IL7: variants seen among roughly 807,000 people sequenced by gnomAD.
The protein encoded by IL7 is interleukin-7.
In IL7, 3 loss-of-function variants were observed where a neutral mutation model predicts 21.6. The observed-to-expected ratio is 0.14, with a 90% CI of 0.06 to 0.36. IL7 has a LOEUF of 0.36. Among genes scored for constraint, IL7 ranks in the 10% least tolerant of loss-of-function variants. The probability of loss-of-function intolerance (pLI) is 1.00; values close to 1 mark genes in which losing one functional copy is unlikely to be tolerated. For synonymous variants in IL7, 62 were observed against 68.1 expected, an observed-to-expected ratio of 0.91 and a Z score of 0.44; for missense variants, 175 against 200.2, an observed-to-expected ratio of 0.87 and a Z score of 0.76.
chr8:78,743,457 T>G (rs1033511713), intron 2 of IL7, among the ~76,000 whole-genome samples: 14 of 152,176 alleles, frequency 9.2e-5, no homozygotes, highest in African/African-American at 3.4e-4. Flanking sequence ...GTATTCCATA[T>G]TTCTCGGAGG....
chr8:78,764,404 G>A (rs1812682780), intron 2 of IL7, among the ~76,000 whole-genome samples: 1 of 152,034 alleles, frequency 6.6e-6, no homozygotes, highest in Admixed American at 6.6e-5. Context: ...GTCTTTGTTT[G>A]CAGATGATAT....
intron 2 of IL7, among the ~76,000 whole-genome samples, chr8:78,795,032 G>C (rs1456877033): frequency 6.6e-6 from 1 of 152,050 alleles, no homozygotes; most frequent in African/African-American, 2.4e-5. Flanking sequence ...AGAGAGCATG[G>C]ACAAAGATTC....
chr8:78,708,001 T>A (rs1250678856), intron 3 of IL7, among the ~76,000 whole-genome samples: 2 of 152,144 alleles, frequency 1.3e-5, no homozygotes, highest in African/African-American at 4.8e-5. Context: ...AATTTTTGGT[T>A]AAGTGAAAAA....
chr8:78,736,418 ATTAAG>A, intron 5 of IL7, 51 bp downstream of exon 5: 2 of 1,042,292 alleles, frequency 1.9e-6, no homozygotes, highest in South Asian at 3.2e-5. Flanking sequence ...AAAATTAGGA[ATTAAG>A]TTGAGTAAAA....
intron 3 of IL7, among the ~76,000 whole-genome samples, chr8:78,690,806 A>G (rs546752048): frequency 6.6e-6 from 1 of 152,226 alleles, no homozygotes; most frequent in South Asian, 2.1e-4. Flanking sequence ...GGTCATACAC[A>G]TGTTTTGTTA....
intron 2 of IL7, among the ~76,000 whole-genome samples, chr8:78,765,490 C>A (rs72661359): frequency 0.064 from 9,723 of 151,970 alleles, 337 homozygotes; most frequent in Middle Eastern, 0.092. Flanking sequence ...TAAAATAAGA[C>A]AATTTACAAC....
chr8:78,681,710 T>G (rs1192379838), intron 4 of IL7, among the ~76,000 whole-genome samples: 1 of 152,140 alleles, frequency 6.6e-6, no homozygotes, highest in African/African-American at 2.4e-5. Flanking sequence ...TTTTCTAAAA[T>G]AAATGACATT....
intron 2 of IL7, chr8:78,760,019 A>G (rs1226397846): frequency 3.3e-6 from 2 of 608,928 alleles, no homozygotes; most frequent in African/African-American, 3.9e-5. Context: ...GTAGATTATC[A>G]ATGGCTAATG....
At chr8:78,686,195 G>T (rs930419866) in intron 3 of IL7, among the ~76,000 whole-genome samples, 1 of 152,132 alleles carries the variant, frequency 6.6e-6, no homozygotes, top group African/African-American at 2.4e-5. Flanking sequence ...CACAGCAACA[G>T]TCTTAGTGGG....
At chr8:78,721,759 C>T (rs1404911517) in intron 3 of IL7, among the ~76,000 whole-genome samples, 2 of 151,596 alleles carry the variant, frequency 1.3e-5, no homozygotes, top group Non-Finnish European at 2.9e-5. Context: ...TTGAAAAGGT[C>T]GATTAAATTT....
intron 2 of IL7, among the ~76,000 whole-genome samples, chr8:78,777,130 C>T (rs1813160380): frequency 6.6e-6 from 1 of 152,068 alleles, no homozygotes; most frequent in Non-Finnish European, 1.5e-5. Flanking sequence ...AGTTGAGATT[C>T]ACCTCTATCT....
chr8:78,800,555 C>A (rs1362238146), intron 1 of IL7, among the ~76,000 whole-genome samples: 1 of 152,168 alleles, frequency 6.6e-6, no homozygotes, highest in East Asian at 1.9e-4. Context: ...CTGCCTCAGC[C>A]TCCTTAAGTG....
chr8:78,755,743 A>G (rs1376078730), intron 2 of IL7, among the ~76,000 whole-genome samples: 1 of 151,920 alleles, frequency 6.6e-6, no homozygotes. Flanking sequence ...TGGAGTATTT[A>G]GATTTTTCTA....
chr8:78,677,990 G>T (rs1809637481), intron 4 of IL7, among the ~76,000 whole-genome samples: 1 of 152,158 alleles, frequency 6.6e-6, no homozygotes, highest in African/African-American at 2.4e-5. Context: ...TCCTGATGTT[G>T]CCATGGCATT....
rs772358636 is a variant in IL7, at chr8:78,689,416, C to T, written n.215-3469G>A. On this transcript the variant is annotated intron_variant and non_coding_transcript_variant, in intron 3 of 4. Coordinates refer to the IL7 transcript ENST00000523959. ...AATTGCTATAAACGAGAAAATGGCT[C>T]ATGGACATTCATAGATTATTGTTTA... 8.0e-6 allele frequency: 12 copies of T among 1,493,376 alleles called. No individual in the cohort carries two copies. The East Asian group carries it at 1.7e-4, about 21-fold the overall frequency. 92.5% of individuals were successfully genotyped at this position (1,493,376 alleles called of 1,614,324 possible). A position where few individuals can be genotyped will look rare whatever the true frequency, so the allele number is the denominator to read the frequency against.
intron 2 of IL7, among the ~76,000 whole-genome samples, chr8:78,759,262 G>T (rs1586076995): frequency 6.8e-6 from 1 of 146,318 alleles, no homozygotes; most frequent in African/African-American, 2.5e-5. Context: ...TATTTAGATT[G>T]AAATAAACTA....
At chr8:78,677,385 C>T (rs1162559644) in intron 4 of IL7, among the ~76,000 whole-genome samples, 2 of 151,732 alleles carry the variant, frequency 1.3e-5, no homozygotes, top group Admixed American at 1.3e-4. Context: ...TAGTAGAACA[C>T]TAGATAAGCT....
intron 3 of IL7, among the ~76,000 whole-genome samples, chr8:78,711,452 G>A (rs763440208): frequency 4.6e-5 from 7 of 151,448 alleles, no homozygotes; most frequent in South Asian, 2.1e-4. Flanking sequence ...TTTCCATGCC[G>A]AGTCCTGTTT....
At chr8:78,762,341 G>T in intron 2 of IL7, 3 of 1,611,526 alleles carry the variant, frequency 1.9e-6, no homozygotes, top group Admixed American at 3.3e-5. Flanking sequence ...CTGGCATCTG[G>T]CAGGGTCCCG....
Sources: allele counts gnomAD v4.1 joint callset (sites outside exome capture counted in the v4.1 genomes callset), GRCh38; gene constraint gnomAD v4.1.1; transcripts MANE v1.5; gene names NCBI Gene and HGNC (gene_info 2026-07-23, HGNC 2026-07-21).